The following MARCHF5 variants were observed in gnomAD, a reference collection of about 807,000 sequenced individuals.
MARCHF5 encodes the protein E3 ubiquitin-protein ligase MARCHF5.
Under a neutral mutation model 36.5 loss-of-function variants are expected in MARCHF5, and 5 were observed. The ratio of observed to expected loss-of-function variants is 0.14; its 90% CI spans 0.07 to 0.29. The LOEUF (loss-of-function observed/expected upper bound fraction) is 0.29. Ranked by LOEUF, MARCHF5 falls within the 10% of genes least tolerant of loss-of-function variation. The pLI, the probability that MARCHF5 is intolerant of heterozygous loss-of-function variation, is 1.00. For synonymous variants in MARCHF5, 103 were observed against 109.9 expected, an observed-to-expected ratio of 0.94 and a Z score of 0.39; for missense variants, 179 against 336.3, an observed-to-expected ratio of 0.53 and a Z score of 3.66.
intron 2 of MARCHF5, among the ~76,000 whole-genome samples, chr10:92,316,155 T>G (rs551255420): frequency 6.6e-6 from 1 of 152,176 alleles, no homozygotes; most frequent in East Asian, 1.9e-4. Context: ...TGCAGCAGAT[T>G]TTGTGTTTTT....
In MARCHF5 at chr10:92,326,397, A is replaced by G. The variant is rs547041788; in HGVS notation, c.239-14276A>G. On this transcript the variant is annotated intron_variant, in intron 2 of 5. Transcript: ENST00000358935. ...CAGCAAATTTATGTAATGGAAGCCC[A>G]TGGGCTTCCAGCAAATAAAGCAAGG... Among the ~76,000 whole-genome samples the G allele has an allele frequency of 3.5e-4, 53 of 152,244 alleles. 2 individuals carry two copies. In the South Asian group the frequency reaches 0.011, roughly 31 times the overall value.
rs1422346125 is a variant in MARCHF5, at chr10:92,351,946, G to GTGTATT, written c.*742_*743insATTTGT. ...TGTGTGTGTGTGTGTGTGTATTTGT[G>GTGTATT]TGTTTCAGTGTTTCATCAGGTCCTT... On this transcript the variant is annotated 3_prime_UTR_variant, in exon 6 of 6. Transcript: ENST00000358935. 6.7e-6 allele frequency: 1 copy of GTGTATT among 149,886 alleles called. No individual in the cohort carries two copies. Among genetic ancestry groups the GTGTATT allele is most frequent in the Non-Finnish European group, 1.5e-5 (1 of 67,066 alleles). The allele number at this position is 149,886 out of a possible 1,614,324, so 9.3% of individuals were successfully genotyped here.
chr10:92,322,885 G>A (rs989741561), intron 2 of MARCHF5, among the ~76,000 whole-genome samples: 1 of 151,748 alleles, frequency 6.6e-6, no homozygotes, highest in Admixed American at 6.6e-5. Flanking sequence ...CTATAGGCGT[G>A]CACCACCACG....
intron 3 of MARCHF5, among the ~76,000 whole-genome samples, chr10:92,345,173 TAAAAAAA>T (rs113693627): frequency 7.0e-6 from 1 of 143,542 alleles, no homozygotes; most frequent in East Asian, 2.0e-4. Context: ...GATTCTGAGT[TAAAAAAA>T]AAAAAACCCT....
intron 3 of MARCHF5, among the ~76,000 whole-genome samples, chr10:92,348,111 A>G (rs1448920495): frequency 6.6e-6 from 1 of 151,380 alleles, no homozygotes; most frequent in Non-Finnish European, 1.5e-5. Flanking sequence ...TGAACCTGGG[A>G]GGCAGAGGTT....
chr10:92,347,909 G>A (rs1003136823), intron 3 of MARCHF5, among the ~76,000 whole-genome samples: 13 of 152,150 alleles, frequency 8.5e-5, no homozygotes, highest in South Asian at 2.1e-4. Flanking sequence ...GGGGCCGGGC[G>A]CAGTGGCTCA....
chr10:92,305,312 CAG>C (rs1006235438), intron 1 of MARCHF5, among the ~76,000 whole-genome samples: 1 of 151,740 alleles, frequency 6.6e-6, no homozygotes, highest in African/African-American at 2.4e-5. Context: ...GAGGGTGAGA[CAG>C]GAGATTTGCT....
intron 1 of MARCHF5, 62 bp downstream of exon 1, chr10:92,291,591 C>A: frequency 1.4e-6 from 2 of 1,471,036 alleles, no homozygotes; most frequent in Non-Finnish European, 9.0e-7. Flanking sequence ...TGCCCGCGCC[C>A]GCCCTCGAGG....
chr10:92,299,479 C>T (rs1338311510), intron 1 of MARCHF5, among the ~76,000 whole-genome samples: 2 of 152,146 alleles, frequency 1.3e-5, no homozygotes, highest in Non-Finnish European at 2.9e-5. Context: ...CTTCCTCCCT[C>T]CTAACACCTG....
At chr10:92,292,794 T>C (rs1842899888) in intron 1 of MARCHF5, among the ~76,000 whole-genome samples, 1 of 152,232 alleles carries the variant, frequency 6.6e-6, no homozygotes, top group African/African-American at 2.4e-5. Context: ...AACTTACTAT[T>C]GTTTATCTTG....
At position 92,352,500 on chromosome 10, in the gene MARCHF5, C is replaced by A. The variant is rs1188312164; in HGVS notation, c.*1293C>A. On this transcript the variant is annotated 3_prime_UTR_variant, in exon 6 of 6. Coordinates refer to ENST00000358935, the MANE Select transcript of MARCHF5 (RefSeq NM_017824.5). ...ATTGGCCATTTTAATGTTCAGCAAC[C>A]TGAATGGTTATTTTTGTTAATTAAA... 2 of 152,054 alleles carry A rather than the reference C, an allele frequency of 1.3e-5. No homozygotes were observed. Among genetic ancestry groups the A allele is most frequent in the African/African-American group, 4.8e-5 (2 of 41,410 alleles). The allele number at this position is 152,054 out of a possible 1,614,324, so 9.4% of individuals were successfully genotyped here.
intron 3 of MARCHF5, among the ~76,000 whole-genome samples, chr10:92,344,713 A>G (rs995758193): frequency 1.4e-4 from 21 of 152,190 alleles, no homozygotes; most frequent in Non-Finnish European, 2.9e-4. Flanking sequence ...GAATCAGATC[A>G]CTGTTATTTT....
At chr10:92,339,102 G>T (rs1214350573) in intron 2 of MARCHF5, among the ~76,000 whole-genome samples, 1 of 151,994 alleles carries the variant, frequency 6.6e-6, no homozygotes, top group Non-Finnish European at 1.5e-5. Flanking sequence ...AGATGCAGTG[G>T]CTCATGCCTG....
At position 92,352,774 on chromosome 10, in the gene MARCHF5, GTAT is replaced by G. The variant is rs1324624906; in HGVS notation, c.*1572_*1574del. On this transcript the variant is annotated 3_prime_UTR_variant, in exon 6 of 6. Transcript: ENST00000358935. ...GAATGACTGTTGAACATTCAAATTT[GTAT>G]TATTTGGAGATGAAGATTTGACTAA... The G allele has an allele frequency of 1.3e-5, 2 of 152,482 alleles. No individual in the cohort carries two copies. The highest frequency in any genetic ancestry group is 2.9e-5 in the Non-Finnish European group (2 of 68,012). The allele number at this position is 152,482 out of a possible 1,614,324, so 9.4% of individuals were successfully genotyped here.
chr10:92,333,606 CATT>C, intron 2 of MARCHF5: 3 of 973,156 alleles, frequency 3.1e-6, no homozygotes, highest in Non-Finnish European at 3.7e-6. Flanking sequence ...AAAGTACTAA[CATT>C]ATGCACAAGC....
intron 1 of MARCHF5, among the ~76,000 whole-genome samples, chr10:92,304,891 G>A: frequency 6.6e-6 from 1 of 152,136 alleles, no homozygotes; most frequent in East Asian, 1.9e-4. Flanking sequence ...TATGTAGTTA[G>A]CAGGGGTTTG....
intron 1 of MARCHF5, 53 bp downstream of exon 1, chr10:92,291,582 G>T: frequency 6.8e-7 from 1 of 1,478,590 alleles, no homozygotes; most frequent in Non-Finnish European, 9.0e-7. Context: ...CTCTGGCCCT[G>T]CCCGCGCCCG....
Position 92,291,261 on chromosome 10 carries a change from T to TCGCCGCCTCCCCGCCTCAGG in MARCHF5, c.-232_-213dup. 1.8e-6 allele frequency: 1 copy of TCGCCGCCTCCCCGCCTCAGG among 541,100 alleles called. No homozygotes were observed. 33.5% of individuals were successfully genotyped at this position (541,100 alleles called of 1,614,324 possible). A position where few individuals can be genotyped will look rare whatever the true frequency, so the allele number is the denominator to read the frequency against. On this transcript the variant is annotated 5_prime_UTR_variant, in exon 1 of 6. An upstream open reading frame in the 5' UTR gains an earlier in-frame stop. Coordinates refer to ENST00000358935, the MANE Select transcript of MARCHF5 (RefSeq NM_017824.5). Reference sequence around the variant, plus strand: ...CGACGGACGGGAACCCGGGCCGCGATCGCCGCCTCCCCGCCTCAGGCTCCT... The same window carrying TCGCCGCCTCCCCGCCTCAGG: ...CGACGGACGGGAACCCGGGCCGCGATCGCCGCCTCCCCGCCTCAGGCGCCGCCTCCCCGCCTCAGGCTCCT...
At chr10:92,297,930 G>T (rs1842967282) in intron 1 of MARCHF5, among the ~76,000 whole-genome samples, 1 of 152,094 alleles carries the variant, frequency 6.6e-6, no homozygotes, top group East Asian at 1.9e-4. Flanking sequence ...GGGTGCAGTG[G>T]CTCACACCTG....
Sources: allele counts gnomAD v4.1 joint callset (sites outside exome capture counted in the v4.1 genomes callset), GRCh38; gene constraint gnomAD v4.1.1; transcripts MANE v1.5; gene names NCBI Gene and HGNC (gene_info 2026-07-23, HGNC 2026-07-21).